MKRN1: variants seen among roughly 807,000 people sequenced by gnomAD.
The protein encoded by MKRN1 is E3 ubiquitin-protein ligase makorin-1.
MKRN1 carries 9 observed loss-of-function variants against 55.5 expected under a neutral mutation model. The observed-to-expected ratio is 0.16, with a 90% confidence interval of 0.10 to 0.28. The LOEUF (loss-of-function observed/expected upper bound fraction) is 0.28, where lower values mean the gene tolerates loss of function less well. MKRN1 is among the 10% of genes least tolerant of loss of function. MKRN1 has a pLI of 1.00. For synonymous variants in MKRN1, 253 were observed against 235.9 expected (o/e 1.07, Z -0.66); for missense variants, 488 against 626.7 (o/e 0.78, Z 2.36).
intron 1 of MKRN1, among the ~76,000 whole-genome samples, chr7:140,473,987 C>T (rs1032199539): frequency 1.3e-4 from 10 of 74,466 alleles, no homozygotes; most frequent in African/African-American, 6.1e-4. Flanking sequence ...AGCGAAACTC[C>T]GTCTCAAAAA....
chr7:140,469,714 A>G (rs944902336), intron 2 of MKRN1, among the ~76,000 whole-genome samples: 11 of 151,998 alleles, frequency 7.2e-5, no homozygotes, highest in Non-Finnish European at 1.6e-4. Flanking sequence ...GGAATTTGAG[A>G]CCAGCCTGGC....
In MKRN1 at chr7:140,479,469, T is replaced by A; in HGVS notation, c.-125A>T. Reference sequence around the variant, plus strand: ...GAAGGACACTGAGGCACCCGTTCGGTCCCCGCCTGCTACGCGTCGCGTATC... The same window carrying A: ...GAAGGACACTGAGGCACCCGTTCGGACCCCGCCTGCTACGCGTCGCGTATC... On this transcript the variant is annotated 5_prime_UTR_variant, in exon 1 of 8. Coordinates refer to ENST00000255977, the MANE Select transcript of MKRN1 (RefSeq NM_013446.4). The A allele has an allele frequency of 9.9e-7, 1 of 1,009,382 alleles. No homozygotes were observed. Among genetic ancestry groups the A allele is most frequent in the Non-Finnish European group, 1.3e-6 (1 of 782,628 alleles). The allele number at this position is 1,009,382 out of a possible 1,614,324, so 62.5% of individuals were successfully genotyped here.
chr7:140,460,849 A>G (rs185251114), intron 2 of MKRN1, among the ~76,000 whole-genome samples: 96 of 152,336 alleles, frequency 6.3e-4, no homozygotes, highest in African/African-American at 2.3e-3. Flanking sequence ...CAAGTATTCA[A>G]CTCTGAAACT....
rs373210739 is a variant in MKRN1 at position 140,459,960 on chromosome 7, C to T, written c.315-24G>A. 2.8e-5 allele frequency: 44 copies of T among 1,589,324 alleles called. 1 individual carries two copies. The highest frequency in any genetic ancestry group is 3.7e-5 in the Non-Finnish European group (43 of 1,158,798). ...ATCTAAGAAAAAATTCAAAAGTAAG[C>T]AGTCGGCCAGTCGTGGTGGCTCAAG... On this transcript the variant is annotated intron_variant, in intron 2 of 7. Transcript: ENST00000255977.
At chr7:140,468,338 T>G (rs1415451324) in intron 2 of MKRN1, among the ~76,000 whole-genome samples, 1 of 152,092 alleles carries the variant, frequency 6.6e-6, no homozygotes, top group Non-Finnish European at 1.5e-5. Context: ...CTACAAAGAT[T>G]CGTCCATTCA....
At chr7:140,474,058 A>G (rs1795038953) in intron 1 of MKRN1, among the ~76,000 whole-genome samples, 1 of 136,954 alleles carries the variant, frequency 7.3e-6, no homozygotes, top group African/African-American at 2.9e-5. Context: ...AGAAAGAAAG[A>G]AAGAAAGAAT....
At chr7:140,455,560 C>CT (rs906362920) in intron 6 of MKRN1, 49 of 563,692 alleles carry the variant, frequency 8.7e-5, no homozygotes, top group Admixed American at 4.8e-4. Context: ...TGGGGCCTTA[C>CT]TTGTCAACAG....
chr7:140,472,843 C>T (rs982622657), intron 1 of MKRN1, among the ~76,000 whole-genome samples: 17 of 151,636 alleles, frequency 1.1e-4, no homozygotes, highest in African/African-American at 3.6e-4. Flanking sequence ...AAGGGCCAGG[C>T]GTGGTGGCCC....
At chr7:140,465,544 G>C (rs988773337) in intron 2 of MKRN1, among the ~76,000 whole-genome samples, 2 of 148,902 alleles carry the variant, frequency 1.3e-5, no homozygotes, top group African/African-American at 2.6e-5. Context: ...CAAAGACTGG[G>C]AGTTCTAATG....
upstream of MKRN1, chr7:140,479,541 G>A (rs1795231577): frequency 6.0e-6 from 3 of 497,044 alleles, no homozygotes; most frequent in Non-Finnish European, 9.5e-6. Flanking sequence ...ATGCGCGCCC[G>A]CGGCCCGCCC....
At chr7:140,459,436 G>A (rs1028261063) in intron 3 of MKRN1, among the ~76,000 whole-genome samples, 5 of 151,566 alleles carry the variant, frequency 3.3e-5, no homozygotes, top group Admixed American at 6.6e-5. Flanking sequence ...AAAAAAAATT[G>A]CTTCTTTATC....
chr7:140,472,105 A>G, intron 1 of MKRN1, 94 bp from the exon 2 acceptor site: 1 of 1,492,790 alleles, frequency 6.7e-7, no homozygotes, highest in Non-Finnish European at 9.1e-7. Flanking sequence ...CAACCAGTAA[A>G]TACACAAACA....
At position 140,454,729 on chromosome 7, in the gene MKRN1, C is replaced by A. The variant is rs781388618; in HGVS notation, c.1237G>T (p.Ala413Ser). 6 of 1,613,734 alleles carry A rather than the reference C, an allele frequency of 3.7e-6. No individual in the cohort carries two copies. In the Admixed American group the frequency reaches 1.0e-4, roughly 27 times the overall value. ...TCCCAGAAGTGGTTCCTTCGTTGGG[C>A]CTGTAAAAAACAAGGCCATGATAGG... Reference protein sequence around the residue: ...QKVGTSSRYRAQRRNHFWELI... With the variant: ...QKVGTSSRYRSQRRNHFWELI... Residue 413 changes from alanine to serine, a missense_variant and splice_region_variant, in exon 8 of 8, where the codon GCC becomes TCC. This residue lies in a region of MKRN1 where 278 missense variants were observed against 406.7 expected (regional missense o/e 0.68). Coordinates refer to ENST00000255977, the MANE Select transcript of MKRN1 (RefSeq NM_013446.4).
rs547346879 is a variant in MKRN1, at chr7:140,465,351, T to G, written c.315-5415A>C. Among the ~76,000 whole-genome samples, 3 of 151,940 alleles carry G rather than the reference T, an allele frequency of 2.0e-5. No individual in the cohort carries two copies. The East Asian group carries it at 5.8e-4, about 29-fold the overall frequency. On this transcript the variant is annotated intron_variant, in intron 2 of 7. Transcript: ENST00000255977. ...CTGTCTCTACTAAAAATAACAAAAT[T>G]TAGCCAGGCATGGTGGCACATGCCT... is the stretch of plus-strand genomic sequence containing the variant.
intron 1 of MKRN1, among the ~76,000 whole-genome samples, chr7:140,476,278 C>A (rs1375490242): frequency 6.6e-6 from 1 of 152,054 alleles, no homozygotes; most frequent in Non-Finnish European, 1.5e-5. Flanking sequence ...TCTCCCATTG[C>A]TGGCGTGCAA....
At chr7:140,473,207 C>A in intron 1 of MKRN1, 3 of 409,306 alleles carry the variant, frequency 7.3e-6, no homozygotes, top group Admixed American at 3.0e-5. Flanking sequence ...TAAATGATAC[C>A]ACCAAAAAAA....
intron 2 of MKRN1, among the ~76,000 whole-genome samples, chr7:140,471,434 C>T (rs1046674896): frequency 3.3e-5 from 5 of 152,064 alleles, no homozygotes; most frequent in Non-Finnish European, 7.4e-5. Context: ...ACAGATAATA[C>T]ACCTAGTCAT....
At chr7:140,467,762 G>A (rs1463319651) in intron 2 of MKRN1, among the ~76,000 whole-genome samples, 1 of 152,112 alleles carries the variant, frequency 6.6e-6, no homozygotes, top group Non-Finnish European at 1.5e-5. Flanking sequence ...CAGCACTCTG[G>A]GAGGCTGAGG....
intron 2 of MKRN1, among the ~76,000 whole-genome samples, chr7:140,464,115 C>A (rs1177139596): frequency 2.6e-5 from 4 of 151,822 alleles, no homozygotes; most frequent in African/African-American, 9.7e-5. Flanking sequence ...GACGGGGTTT[C>A]ACCATGTTGG....
Sources: allele counts gnomAD v4.1 joint callset (sites outside exome capture counted in the v4.1 genomes callset), GRCh38; gene constraint gnomAD v4.1.1; regional missense constraint gnomAD v4.1.1; transcripts MANE v1.5; gene names NCBI Gene and HGNC (gene_info 2026-07-23, HGNC 2026-07-21).